Variants in NAT10 observed in about 807,000 individuals in gnomAD.
The protein encoded by NAT10 is RNA cytidine acetyltransferase.
In NAT10, 109 loss-of-function variants were observed where a neutral mutation model predicts 132.2. The ratio of observed to expected loss-of-function variants is 0.82; its 90% confidence interval spans 0.71 to 0.97. The LOEUF (loss-of-function observed/expected upper bound fraction) is 0.97. NAT10 is among the 50% of genes least tolerant of loss of function. The pLI, the probability that NAT10 is intolerant of heterozygous loss-of-function variation, is 0.00. For synonymous variants in NAT10, 479 were observed against 478.0 expected (o/e 1.00, Z -0.03); for missense variants, 1,184 against 1,263.4 (o/e 0.94, Z 0.95).
At chr11:34,134,112 C>T (rs761361876) in intron 16 of NAT10, among the ~76,000 whole-genome samples, 1 of 151,948 alleles carries the variant, frequency 6.6e-6, no homozygotes, top group African/African-American at 2.4e-5. Flanking sequence ...TGCAGTGAGC[C>T]GAGATAGCAC....
intron 15 of NAT10, 46 bp from the exon 16 acceptor site, chr11:34,132,980 G>A (rs1852131355): frequency 6.7e-7 from 1 of 1,496,242 alleles, no homozygotes; most frequent in Admixed American, 1.7e-5. Context: ...TGCGTAAAGG[G>A]CAAGAGGAAG....
In NAT10 at chr11:34,140,554, C is replaced by T. The variant is rs1216690572; in HGVS notation, c.2574C>T (p.Ala858=). Residue 858 remains alanine (A), a synonymous_variant, in exon 24 of 29, where the codon GCC becomes GCT. Coordinates refer to ENST00000257829, the MANE Select transcript of NAT10 (RefSeq NM_024662.3). ...IYFLNQLGDL[A]LSAAQSALLL... is the part of the protein sequence containing the mutation. ...TCCTGAACCAGCTGGGGGACCTGGC[C>T]CTGTCTGCGGCTCAGTCGGTATGCT... The T allele has an allele frequency of 3.1e-6, 5 of 1,614,042 alleles. No individual in the cohort carries two copies. The highest frequency in any genetic ancestry group is 3.4e-6 in the Non-Finnish European group (4 of 1,179,980).
intron 5 of NAT10, among the ~76,000 whole-genome samples, chr11:34,114,619 C>G (rs1205108381): frequency 3.3e-5 from 5 of 152,312 alleles, no homozygotes; most frequent in Non-Finnish European, 2.9e-5. Flanking sequence ...CTGCGAGGGC[C>G]TCGGCACTTG....
intron 14 of NAT10, 66 bp from the exon 15 acceptor site, chr11:34,132,059 T>G (rs1852115755): frequency 2.5e-6 from 3 of 1,214,612 alleles, no homozygotes; most frequent in African/African-American, 1.5e-5. Flanking sequence ...TTGTTCTGCC[T>G]CCAGAGAGTA....
chr11:34,141,313 G>A, intron 25 of NAT10, 105 bp downstream of exon 25: 1 of 1,455,830 alleles, frequency 6.9e-7, no homozygotes, highest in Non-Finnish European at 9.4e-7. Context: ...TGTGTTTGCT[G>A]CATCTCGTCA....
chr11:34,130,490 A>G (rs1031403981), intron 12 of NAT10, among the ~76,000 whole-genome samples: 4 of 152,166 alleles, frequency 2.6e-5, no homozygotes, highest in Non-Finnish European at 5.9e-5. Flanking sequence ...TTATTTTTTA[A>G]GTTCACATCA....
Position 34,131,451 on chromosome 11 carries a change from G to T in NAT10, c.1440G>T (p.Trp480Cys). 6.2e-7 allele frequency: 1 copy of T among 1,614,144 alleles called. No individual in the cohort carries two copies. Among genetic ancestry groups the T allele is most frequent in the Non-Finnish European group, 8.5e-7 (1 of 1,180,030 alleles). The change falls in exon 14 of 29, where the codon TGG becomes TGT. Residue 480 changes from tryptophan (W) to cysteine (C), a missense_variant. Transcript: ENST00000257829. Reference protein sequence around the residue: ...RYAPGDAVEKWLNDLLCLDCL... With the variant: ...RYAPGDAVEKCLNDLLCLDCL... The stretch of plus-strand genomic sequence containing the variant: ...CCCCTGGGGATGCAGTGGAGAAGTG[G>T]CTGAATGACTTGCTGTGCCTGGATT...
intron 5 of NAT10, among the ~76,000 whole-genome samples, chr11:34,114,682 A>G (rs1851754756): frequency 1.3e-5 from 2 of 151,938 alleles, no homozygotes; most frequent in African/African-American, 4.8e-5. Context: ...TCGCTTCCTC[A>G]TTGCATTCAA....
intron 16 of NAT10, 71 bp from the exon 17 acceptor site, chr11:34,134,248 A>G: frequency 7.6e-7 from 1 of 1,321,456 alleles, no homozygotes; most frequent in South Asian, 1.2e-5. Context: ...TCGAGAAACA[A>G]GCTATATTCT....
intron 21 of NAT10, among the ~76,000 whole-genome samples, chr11:34,137,949 G>A (rs746727569): frequency 2.0e-5 from 3 of 152,232 alleles, no homozygotes; most frequent in Non-Finnish European, 4.4e-5. Context: ...CTGCAGTGGA[G>A]TGGAGGCTTT....
At chr11:34,139,998 A>G (rs779516712) in intron 23 of NAT10, among the ~76,000 whole-genome samples, 17 of 152,242 alleles carry the variant, frequency 1.1e-4, no homozygotes, top group Non-Finnish European at 1.6e-4. Flanking sequence ...ATGTGTGTGT[A>G]TATACTTTTT....
At chr11:34,128,018 A>G (rs1852030078) in intron 12 of NAT10, among the ~76,000 whole-genome samples, 1 of 152,208 alleles carries the variant, frequency 6.6e-6, no homozygotes, top group Non-Finnish European at 1.5e-5. Context: ...AATTAGAAAT[A>G]TTTAGTGTTG....
At chr11:34,134,668 C>A in intron 18 of NAT10, 82 bp downstream of exon 18, 1 of 1,211,728 alleles carries the variant, frequency 8.3e-7, no homozygotes, top group Non-Finnish European at 1.1e-6. Flanking sequence ...GAATAAGAAG[C>A]TGGTCAAGCA....
At chr11:34,143,953 A>G (rs1852388047) in intron 28 of NAT10, among the ~76,000 whole-genome samples, 1 of 152,264 alleles carries the variant, frequency 6.6e-6, no homozygotes, top group Non-Finnish European at 1.5e-5. Context: ...GCACACAGCT[A>G]GTGAGAGCCG....
chr11:34,118,085 C>A, intron 6 of NAT10, 95 bp from the exon 7 acceptor site: 1 of 1,013,934 alleles, frequency 9.9e-7, no homozygotes, highest in Non-Finnish European at 1.5e-6. Flanking sequence ...CTTAGAGACA[C>A]TTGGGGCCAG....
At position 34,118,434 on chromosome 11, in the gene NAT10, G is replaced by A. The variant is rs764782708; in HGVS notation, c.711G>A (p.Glu237=). The part of the protein sequence containing the change: ...SLGPSDLELR[E]LKESLQDTQP... ...GTCCTTCTGATCTGGAGCTGAGGGA[G>A]TTGAAGGAGAGCTTGCAGGACACCC... Residue 237 remains glutamate (E), a synonymous_variant, in exon 8 of 29, where the codon GAG becomes GAA. Coordinates refer to ENST00000257829, the MANE Select transcript of NAT10 (RefSeq NM_024662.3). 12 of 1,614,058 alleles carry A rather than the reference G, an allele frequency of 7.4e-6. No individual in the cohort carries two copies. The Admixed American group carries it at 1.7e-4, about 22-fold the overall frequency.
In NAT10 at chr11:34,118,175, C is replaced by A; in HGVS notation, c.558-5C>A. ...ACACTTCATTGCAGCGGTTTTGTAT[C>A]TCAGGTTTATTCTGTCTCTGGCCTC... On this transcript the variant is annotated splice_polypyrimidine_tract_variant and splice_region_variant and intron_variant, in intron 6 of 28. Transcript: ENST00000257829. 2 of 1,609,934 alleles carry A rather than the reference C, an allele frequency of 1.2e-6. No homozygotes were observed. Among genetic ancestry groups the A allele is most frequent in the Non-Finnish European group, 1.7e-6 (2 of 1,176,160 alleles).
chr11:34,141,803 C>T lies in NAT10; in HGVS notation c.2797C>T (p.Leu933Phe). ...DVVMEPTMKT[L>F]SDDLDEAAKE... ...GGTCATGGAGCCCACGATGAAGACC[C>T]TCAGTGACGACCTAGTATGTCCCTG... The change falls in exon 26 of 29, where the codon CTC (leucine) becomes TTC (phenylalanine). Residue 933 changes from leucine (L) to phenylalanine (F), a missense_variant. Coordinates refer to ENST00000257829, the MANE Select transcript of NAT10 (RefSeq NM_024662.3). 1 of 1,613,744 alleles carries T rather than the reference C, an allele frequency of 6.2e-7. No homozygotes were observed. Among genetic ancestry groups the T allele is most frequent in the Non-Finnish European group, 8.5e-7 (1 of 1,179,992 alleles).
rs1852231847 is a variant in NAT10, at chr11:34,137,115, C to T, written c.2211+89C>T. ...CCTTGCAAAGAGCCCTAGTGCCTCC[C>T]TGCTGCATCGCTCTGAGCAGGTGGC... On this transcript the variant is annotated intron_variant, in intron 21 of 28. Transcript: ENST00000257829. 52 of 1,394,522 alleles carry T rather than the reference C, an allele frequency of 3.7e-5. 1 individual carries two copies. In the South Asian group the frequency reaches 5.9e-4, roughly 16 times the overall value. 86.4% of individuals were successfully genotyped at this position (1,394,522 alleles called of 1,614,324 possible). A position where few individuals can be genotyped will look rare whatever the true frequency, so the allele number is the denominator to read the frequency against.
Sources: allele counts gnomAD v4.1 joint callset (sites outside exome capture counted in the v4.1 genomes callset), GRCh38; gene constraint gnomAD v4.1.1; transcripts MANE v1.5; gene names NCBI Gene and HGNC (gene_info 2026-07-23, HGNC 2026-07-21).